IGFBP6: variants seen among roughly 807,000 people sequenced by gnomAD.
The protein encoded by IGFBP6 is insulin like growth factor binding protein 6, also known as insulin-like growth factor-binding protein 6.
A neutral mutation model predicts 24.5 loss-of-function variants in IGFBP6; 24 were observed. The observed-to-expected ratio is 0.98, with a 90% confidence interval of 0.71 to 1.38. IGFBP6 has a LOEUF of 1.38. IGFBP6 is among the 40% of genes most tolerant of loss of function. The pLI is 0.00. For missense variants in IGFBP6, 331 were observed against 324.8 expected, an observed-to-expected ratio of 1.02 and a Z score of -0.15; for synonymous variants, 147 against 137.4, an observed-to-expected ratio of 1.07 and a Z score of -0.49.
rs373115217 is a variant in IGFBP6, at chr12:53,101,050, C to T, written c.490C>T (p.Arg164Cys). Residue 164 changes from arginine to cysteine, a missense_variant, in exon 3 of 4, where the codon CGT (arginine) becomes TGT (cysteine). Physicochemically the swap from Arg to Cys is radical, Grantham distance 180 (BLOSUM62 -3). Coordinates refer to ENST00000301464, the MANE Select transcript of IGFBP6 (RefSeq NM_002178.3). The part of the protein sequence containing the change: ...GVQDTEMGPC[R>C]RHLDSVLQQL... ...ACTCTCCCTTCCCCAGGGCCCATGC[C>T]GTAGACATCTGGACTCAGTGCTGCA... 24 of 1,613,938 alleles carry T rather than the reference C, an allele frequency of 1.5e-5. No homozygotes were observed. The highest frequency in any genetic ancestry group is 5.0e-5 in the Admixed American group (3 of 60,012).
rs9658615 is a variant in IGFBP6, at chr12:53,100,455, C to T, written c.335-257C>T. 4.3e-3 allele frequency among the ~76,000 whole-genome samples: 649 copies of T among 152,386 alleles called. 7 individuals carry two copies. Among genetic ancestry groups the T allele is most frequent in the South Asian group, 0.039 (190 of 4,830 alleles). ...GGGATTACAGGCGTGAGCCATTGCACCCATCCTCATTTTCCATTTTTGCTT... is the reference window on the plus strand; with the variant it reads ...GGGATTACAGGCGTGAGCCATTGCATCCATCCTCATTTTCCATTTTTGCTT... On this transcript the variant is annotated intron_variant, in intron 1 of 3. Transcript: ENST00000301464.
Position 53,097,902 on chromosome 12 carries a change from G to T in IGFBP6, c.185G>T (p.Gly62Val), listed in dbSNP as rs1206778874. 2.6e-6 allele frequency: 4 copies of T among 1,517,772 alleles called. No individual in the cohort carries two copies. Among genetic ancestry groups the T allele is most frequent in the South Asian group, 2.5e-5 (2 of 80,560 alleles). The allele number at this position is 1,517,772 out of a possible 1,614,324, so 94.0% of individuals were successfully genotyped here. A position where few individuals can be genotyped will look rare whatever the true frequency, so the allele number is the denominator to read the frequency against. ...SPAEGCAEAE[G>V]CLRREGQECG... ...GCCGAGGGCTGCGCGGAAGCTGAGG[G>T]CTGTCTCAGGAGGGAGGGGCAGGAG... Residue 62 changes from glycine to valine, a missense_variant, in exon 1 of 4, where the codon GGC becomes GTC. By Grantham distance (109) the Gly-to-Val change is moderately radical. Coordinates refer to ENST00000301464, the MANE Select transcript of IGFBP6 (RefSeq NM_002178.3).
chr12:53,098,124 G>T, intron 1 of IGFBP6, 73 bp downstream of exon 1: 3 of 1,362,552 alleles, frequency 2.2e-6, no homozygotes, highest in Non-Finnish European at 1.9e-6. Context: ...GGGGAGACGG[G>T]AGTGGGTGGC....
rs1312906267 is a variant in IGFBP6, at chr12:53,097,704, C to T, written c.-14C>T. 3 of 1,541,980 alleles carry T rather than the reference C, an allele frequency of 1.9e-6. No homozygotes were observed. Among genetic ancestry groups the T allele is most frequent in the Non-Finnish European group, 2.6e-6 (3 of 1,145,930 alleles). ...ACTGCTCTGGAAGGAGAGGACGGGGCACAAACCCTGACCATGACCCCCCAC... is the reference window on the plus strand; with the variant it reads ...ACTGCTCTGGAAGGAGAGGACGGGGTACAAACCCTGACCATGACCCCCCAC... On this transcript the variant is annotated 5_prime_UTR_variant, in exon 1 of 4. Transcript: ENST00000301464.
intron 1 of IGFBP6, among the ~76,000 whole-genome samples, chr12:53,098,469 G>T (rs1937778390): frequency 6.6e-6 from 1 of 152,180 alleles, no homozygotes; most frequent in African/African-American, 2.4e-5. Flanking sequence ...GAGAAAAGGG[G>T]AGGGGAACCC....
intron 1 of IGFBP6, 81 bp downstream of exon 1, chr12:53,098,132 G>A: frequency 7.4e-7 from 1 of 1,351,862 alleles, no homozygotes; most frequent in Non-Finnish European, 9.5e-7. Flanking sequence ...GGGAGTGGGT[G>A]GCCCGGCAAG....
At chr12:53,100,996 AG>A in intron 2 of IGFBP6, 44 bp from the exon 3 acceptor site, 2 of 1,607,282 alleles carry the variant, frequency 1.2e-6, no homozygotes, top group Non-Finnish European at 1.7e-6. Flanking sequence ...TGGAATGGGG[AG>A]CTGGGCTGGA....
chr12:53,097,686 T>G lies in IGFBP6; in HGVS notation c.-32T>G. 1 of 1,535,430 alleles carries G rather than the reference T, an allele frequency of 6.5e-7. No individual in the cohort carries two copies. The highest frequency in any genetic ancestry group is 8.7e-7 in the Non-Finnish European group (1 of 1,144,124). On this transcript the variant is annotated 5_prime_UTR_variant, in exon 1 of 4. Coordinates refer to ENST00000301464, the MANE Select transcript of IGFBP6 (RefSeq NM_002178.3). ...GGCAGCAGCTGCGCTGCGACTGCTC[T>G]GGAAGGAGAGGACGGGGCACAAACC...
At chr12:53,098,112 C>G in intron 1 of IGFBP6, 61 bp downstream of exon 1, 1 of 1,376,146 alleles carries the variant, frequency 7.3e-7, no homozygotes, top group South Asian at 1.7e-5. Context: ...AGGCAGGGTC[C>G]TGGGGAGACG....
rs1405515087 is a variant in IGFBP6 at position 53,097,684 on chromosome 12, T to A, written c.-34T>A. 6.5e-7 allele frequency: 1 copy of A among 1,534,562 alleles called. No individual in the cohort carries two copies. The highest frequency in any genetic ancestry group is 2.5e-5 in the East Asian group (1 of 40,076). On this transcript the variant is annotated 5_prime_UTR_variant, in exon 1 of 4. Coordinates refer to ENST00000301464, the MANE Select transcript of IGFBP6 (RefSeq NM_002178.3). ...CGGGCAGCAGCTGCGCTGCGACTGC[T>A]CTGGAAGGAGAGGACGGGGCACAAA...
intron 3 of IGFBP6, 31 bp downstream of exon 3, chr12:53,101,191 A>G (rs1460202847): frequency 6.2e-7 from 1 of 1,607,738 alleles, no homozygotes; most frequent in Admixed American, 1.7e-5. Flanking sequence ...CTCCTGCTCC[A>G]GCAGAAGGCT....
In IGFBP6 at chr12:53,100,637, G is replaced by A. The variant is rs888506097; in HGVS notation, c.335-75G>A. The A allele has an allele frequency of 9.5e-6, 14 of 1,469,394 alleles. No homozygotes were observed. In the Admixed American group the frequency reaches 2.1e-4, roughly 22 times the overall value. 91.0% of individuals were successfully genotyped at this position (1,469,394 alleles called of 1,614,324 possible). On this transcript the variant is annotated intron_variant, in intron 1 of 3. Coordinates refer to ENST00000301464, the MANE Select transcript of IGFBP6 (RefSeq NM_002178.3). ...AGGCCCTCCCTTCCTTACTTCAGCAGGTGATGTGGGCAAGGCCCTTCTCCA... is the reference window on the plus strand; with the variant it reads ...AGGCCCTCCCTTCCTTACTTCAGCAAGTGATGTGGGCAAGGCCCTTCTCCA...
intron 3 of IGFBP6, among the ~76,000 whole-genome samples, chr12:53,101,668 G>A (rs376168925): frequency 1.3e-5 from 2 of 152,138 alleles, no homozygotes; most frequent in East Asian, 3.9e-4. Flanking sequence ...GGGAGGCCAA[G>A]GCTGGTGGAT....
Position 53,102,127 on chromosome 12 carries a change from G to A in IGFBP6, c.683G>A (p.Gly228Asp). The A allele has an allele frequency of 6.2e-7, 1 of 1,613,966 alleles. No individual in the cohort carries two copies. Among genetic ancestry groups the A allele is most frequent in the Non-Finnish European group, 8.5e-7 (1 of 1,179,984 alleles). Residue 228 changes from glycine to aspartate, a missense_variant, in exon 4 of 4, where the codon GGC becomes GAC. Transcript: ENST00000301464. ...MGKSLPGSPD[G>D]NGSSSCPTGS... ...AAGTCCCTGCCAGGGTCTCCAGATG[G>A]CAATGGAAGCTCCTCCTGCCCCACT...
intron 3 of IGFBP6, 153 bp downstream of exon 3, chr12:53,101,313 C>T: frequency 1.2e-6 from 1 of 829,346 alleles, no homozygotes; most frequent in Non-Finnish European, 1.8e-6. Flanking sequence ...ATTTATTAAA[C>T]AAACTTAGAG....
At position 53,102,313 on chromosome 12, in the gene IGFBP6, G is replaced by C. The variant is rs1937845389; in HGVS notation, c.*146G>C. On this transcript the variant is annotated 3_prime_UTR_variant, in exon 4 of 4. Transcript: ENST00000301464. The stretch of plus-strand genomic sequence containing the variant: ...TTGGAAAGAGTGTTGGTGTTGGCTG[G>C]GGTGTCAATAAAGCTGTGCTTGGGG... 5.7e-6 allele frequency: 5 copies of C among 878,492 alleles called. No individual in the cohort carries two copies. The highest frequency in any genetic ancestry group is 8.5e-6 in the Non-Finnish European group (5 of 588,128). The allele number at this position is 878,492 out of a possible 1,614,324, so 54.4% of individuals were successfully genotyped here.
rs371919194 is a variant in IGFBP6, at chr12:53,100,731, G to A, written c.354G>A (p.Lys118=). 6.2e-6 allele frequency: 10 copies of A among 1,614,030 alleles called. No homozygotes were observed. In the African/African-American group the frequency reaches 1.1e-4, roughly 17 times the overall value. ...CTCCAGTTGCAGAGGAGAATCCTAA[G>A]GAGAGTAAACCCCAAGCAGGCACTG... ...RAPAVAEENP[K]ESKPQAGTAR... is the part of the protein sequence containing the mutation. The change falls in exon 2 of 4, where the codon AAG becomes AAA. Residue 118 remains lysine (K), a synonymous_variant. Coordinates refer to ENST00000301464, the MANE Select transcript of IGFBP6 (RefSeq NM_002178.3).
At chr12:53,100,416 C>A (rs1274185279) in intron 1 of IGFBP6, among the ~76,000 whole-genome samples, 1 of 152,256 alleles carries the variant, frequency 6.6e-6, no homozygotes, top group Non-Finnish European at 1.5e-5. Flanking sequence ...CCCACCTCTG[C>A]TTCTCAAAGT....
rs994621312 is a variant in IGFBP6 at position 53,099,365 on chromosome 12, T to G, written c.334+1314T>G. On this transcript the variant is annotated intron_variant, in intron 1 of 3. Coordinates refer to ENST00000301464, the MANE Select transcript of IGFBP6 (RefSeq NM_002178.3). The stretch of plus-strand genomic sequence containing the variant: ...TTCCTTGCACCTTCTTAATCTGCCC[T>G]CAGCCTATCTTGGTTAAGGGTTGAA... 4.8e-5 allele frequency: 22 copies of G among 455,098 alleles called. No individual in the cohort carries two copies. In the Admixed American group the frequency reaches 5.2e-4, roughly 11 times the overall value. 28.2% of individuals were successfully genotyped at this position (455,098 alleles called of 1,614,324 possible).
Sources: allele counts gnomAD v4.1 joint callset (sites outside exome capture counted in the v4.1 genomes callset), GRCh38; gene constraint gnomAD v4.1.1; transcripts MANE v1.5; gene names NCBI Gene and HGNC (gene_info 2026-07-23, HGNC 2026-07-21).